TRERF1: variants seen among roughly 807,000 people sequenced by gnomAD.
The protein encoded by TRERF1 is transcriptional-regulating factor 1.
TRERF1 carries 27 observed loss-of-function variants against 122.9 expected under a neutral mutation model. The ratio of observed to expected loss-of-function variants is 0.22; its 90% CI spans 0.16 to 0.30. The LOEUF (loss-of-function observed/expected upper bound fraction) is 0.30, where lower values mean the gene tolerates loss of function less well. TRERF1 is among the 10% of genes least tolerant of loss of function. TRERF1 has a pLI of 1.00. For missense variants in TRERF1, 1,248 were observed against 1,560.3 expected (o/e 0.80, Z 3.37); for synonymous variants, 636 against 641.7 (o/e 0.99, Z 0.13).
At chr6:42,372,981 C>T (rs189702628) in intron 2 of TRERF1, among the ~76,000 whole-genome samples, 5 of 152,308 alleles carry the variant, frequency 3.3e-5, no homozygotes, top group South Asian at 2.1e-4. Context: ...AGCTTGCTAA[C>T]CTCTCTCAGC....
chr6:42,290,106 C>G (rs1035929029), intron 4 of TRERF1, among the ~76,000 whole-genome samples: 2 of 152,222 alleles, frequency 1.3e-5, no homozygotes, highest in African/African-American at 4.8e-5. Flanking sequence ...AAGGCAAGAA[C>G]ATGAAGAAGG....
chr6:42,271,725 A>G (rs1045201711), intron 4 of TRERF1, among the ~76,000 whole-genome samples: 2 of 152,218 alleles, frequency 1.3e-5, no homozygotes, highest in Admixed American at 1.3e-4. Flanking sequence ...ACTGTGTACT[A>G]TTAATAATTG....
At chr6:42,399,682 AT>A (rs1163424726) in intron 2 of TRERF1, among the ~76,000 whole-genome samples, 2 of 152,196 alleles carry the variant, frequency 1.3e-5, no homozygotes, top group Non-Finnish European at 2.9e-5. Flanking sequence ...CCTAATGCTG[AT>A]TTGAAGTAAC....
chr6:42,362,591 G>A (rs1771977081), intron 3 of TRERF1, among the ~76,000 whole-genome samples: 1 of 152,208 alleles, frequency 6.6e-6, no homozygotes, highest in South Asian at 2.1e-4. Flanking sequence ...GAATGCCCCA[G>A]GGCCAGCTAA....
intron 3 of TRERF1, among the ~76,000 whole-genome samples, chr6:42,353,862 A>G (rs1004302752): frequency 2.0e-5 from 3 of 152,252 alleles, no homozygotes; most frequent in African/African-American, 7.2e-5. Flanking sequence ...TTATAAATGC[A>G]TAAGAAAAGA....
chr6:42,360,173 G>A (rs1451075947), intron 3 of TRERF1, among the ~76,000 whole-genome samples: 3 of 152,198 alleles, frequency 2.0e-5, no homozygotes, highest in Admixed American at 1.3e-4. Context: ...TGGGCTAAGC[G>A]CTTGACTCAG....
intron 2 of TRERF1, among the ~76,000 whole-genome samples, chr6:42,427,954 C>T (rs1181456066): frequency 6.6e-6 from 1 of 151,954 alleles, no homozygotes; most frequent in Admixed American, 6.6e-5. Context: ...AAGATTACAC[C>T]AAGTCATATA....
chr6:42,298,969 A>G (rs1393977647), intron 4 of TRERF1, among the ~76,000 whole-genome samples: 1 of 151,978 alleles, frequency 6.6e-6, no homozygotes, highest in Non-Finnish European at 1.5e-5. Context: ...ACAAAAAACA[A>G]ACAAACAAAA....
intron 3 of TRERF1, among the ~76,000 whole-genome samples, chr6:42,336,648 A>G (rs1053891543): frequency 2.0e-5 from 3 of 152,168 alleles, no homozygotes; most frequent in Non-Finnish European, 4.4e-5. Flanking sequence ...GCAAATGTAG[A>G]TTCATCCTAT....
intron 13 of TRERF1, among the ~76,000 whole-genome samples, chr6:42,248,292 G>T (rs1006908156): frequency 6.6e-6 from 1 of 152,144 alleles, no homozygotes; most frequent in South Asian, 2.1e-4. Flanking sequence ...ACAGCTGGGC[G>T]GGGTCAGACA....
rs74722863 is a variant in TRERF1, at chr6:42,296,671, G to A, written c.-259+3967C>T. Among the ~76,000 whole-genome samples the A allele has an allele frequency of 9.1e-3, 1,392 of 152,160 alleles. 19 individuals carry two copies. The highest frequency in any genetic ancestry group is 0.026 in the African/African-American group (1,085 of 41,504). ...TCTGTAGACTCCCCTCCAATGAAAGGCACGCCACCATGAAAAAGAAAAACC... is the reference window on the plus strand; with the variant it reads ...TCTGTAGACTCCCCTCCAATGAAAGACACGCCACCATGAAAAAGAAAAACC... On this transcript the variant is annotated intron_variant, in intron 4 of 17. Transcript: ENST00000372922.
At chr6:42,406,531 A>C (rs1040244082) in intron 2 of TRERF1, among the ~76,000 whole-genome samples, 1 of 152,176 alleles carries the variant, frequency 6.6e-6, no homozygotes, top group African/African-American at 2.4e-5. Context: ...CACAGGTTGC[A>C]ATCGGGCTCC....
chr6:42,400,388 T>C (rs1240114683), intron 2 of TRERF1, among the ~76,000 whole-genome samples: 2 of 152,150 alleles, frequency 1.3e-5, no homozygotes, highest in Non-Finnish European at 2.9e-5. Flanking sequence ...AATATAACTA[T>C]CCTGTGAGGT....
chr6:42,227,667 A>C (rs903085229), exon 18 of TRERF1: 1 of 152,278 alleles, frequency 6.6e-6, no homozygotes, highest in Non-Finnish European at 1.5e-5. Context: ...GGTCCTCAGT[A>C]AACACTGCTG....
chr6:42,444,178 C>CT (rs201969394), intron 2 of TRERF1, among the ~76,000 whole-genome samples: 41,229 of 133,744 alleles, frequency 0.31, 6,597 homozygotes, highest in African/African-American at 0.36. Flanking sequence ...GCAGCCTTTG[C>CT]TTTTTTTTTT....
At chr6:42,298,901 C>T (rs1158604363) in intron 4 of TRERF1, among the ~76,000 whole-genome samples, 1 of 152,054 alleles carries the variant, frequency 6.6e-6, no homozygotes, top group Non-Finnish European at 1.5e-5. Context: ...GATTGTGTCA[C>T]TGTACTTCAG....
intron 4 of TRERF1, among the ~76,000 whole-genome samples, chr6:42,288,170 G>C (rs1462092470): frequency 6.6e-6 from 1 of 152,092 alleles, no homozygotes; most frequent in African/African-American, 2.4e-5. Context: ...AGATGTAATG[G>C]AGGTGGGAAC....
chr6:42,325,720 C>G (rs914270667), intron 3 of TRERF1, among the ~76,000 whole-genome samples: 2 of 152,052 alleles, frequency 1.3e-5, no homozygotes, highest in Non-Finnish European at 2.9e-5. Context: ...CAAAAAAATA[C>G]AAATATTAGC....
At chr6:42,227,979 T>A in exon 18 of TRERF1, 2 of 177,488 alleles carry the variant, frequency 1.1e-5, no homozygotes, top group Non-Finnish European at 2.3e-5. Flanking sequence ...CGCCTGCGTC[T>A]CACACACACA....
Sources: allele counts gnomAD v4.1 joint callset (sites outside exome capture counted in the v4.1 genomes callset), GRCh38; gene constraint gnomAD v4.1.1; transcripts MANE v1.5; gene names NCBI Gene and HGNC (gene_info 2026-07-23, HGNC 2026-07-21).